Variants in USP15 observed in about 807,000 individuals in gnomAD.
USP15 encodes ubiquitin carboxyl-terminal hydrolase 15.
A neutral mutation model predicts 127.1 loss-of-function variants in USP15; 18 were observed. That is an observed-to-expected ratio of 0.14 (90% CI 0.10 to 0.21). The LOEUF (loss-of-function observed/expected upper bound fraction) is 0.21, where lower values mean the gene tolerates loss of function less well. Ranked by LOEUF, USP15 falls within the 10% of genes least tolerant of loss-of-function variation. The probability of loss-of-function intolerance (pLI) is 1.00; values close to 1 mark genes in which losing one functional copy is unlikely to be tolerated. For missense variants in USP15, 805 were observed against 1,159.9 expected (o/e 0.69, Z 4.44); for synonymous variants, 364 against 393.7 (o/e 0.92, Z 0.89).
At chr12:62,307,149 T>C (rs547079593) in intron 3 of USP15, among the ~76,000 whole-genome samples, 1 of 152,216 alleles carries the variant, frequency 6.6e-6, no homozygotes, top group South Asian at 2.1e-4. Flanking sequence ...TCGAATTACC[T>C]CGCAGAACCA....
chr12:62,265,404 C>T (rs749643069), intron 1 of USP15, among the ~76,000 whole-genome samples: 9 of 152,108 alleles, frequency 5.9e-5, no homozygotes, highest in Admixed American at 1.3e-4. Flanking sequence ...TTCTGGGAAT[C>T]GGTGTTATTC....
chr12:62,292,103 C>T (rs1192970031), intron 1 of USP15, among the ~76,000 whole-genome samples: 1 of 147,188 alleles, frequency 6.8e-6, no homozygotes, highest in Non-Finnish European at 1.5e-5. Flanking sequence ...GTCATTGGGC[C>T]ACTGGTAAAA....
intron 3 of USP15, among the ~76,000 whole-genome samples, chr12:62,309,232 C>T (rs932622915): frequency 5.9e-5 from 9 of 151,830 alleles, no homozygotes; most frequent in African/African-American, 1.7e-4. Flanking sequence ...ACCTATATTG[C>T]GAATGAAAAA....
intron 1 of USP15, among the ~76,000 whole-genome samples, chr12:62,264,805 T>C (rs183900247): frequency 6.6e-6 from 1 of 152,334 alleles, no homozygotes; most frequent in Non-Finnish European, 1.5e-5. Context: ...TTTCAAAATA[T>C]TTAGTGTATA....
intron 1 of USP15, chr12:62,277,447 T>C (rs1021456801): frequency 6.6e-6 from 1 of 152,154 alleles, no homozygotes; most frequent in Non-Finnish European, 1.5e-5. Flanking sequence ...GTATTTGTGT[T>C]TCTAAATATA....
At chr12:62,343,971 A>G (rs1042995158) in intron 6 of USP15, among the ~76,000 whole-genome samples, 2 of 152,100 alleles carry the variant, frequency 1.3e-5, no homozygotes, top group Non-Finnish European at 2.9e-5. Flanking sequence ...CCATCCCACA[A>G]CACATGGGAA....
chr12:62,360,671 A>G (rs2066287323), intron 8 of USP15, among the ~76,000 whole-genome samples: 1 of 152,078 alleles, frequency 6.6e-6, no homozygotes, highest in Non-Finnish European at 1.5e-5. Flanking sequence ...TTAAATGAAT[A>G]TACTTTTCAT....
At chr12:62,388,117 A>ATTTTTTTTTTTTTTTTTTTTT (rs58192089) in intron 11 of USP15, among the ~76,000 whole-genome samples, 5 of 106,586 alleles carry the variant, frequency 4.7e-5, no homozygotes, top group Non-Finnish European at 7.2e-5. Context: ...AATGGTGAAG[A>ATTTTTTTTTTTTTTTTTTTTT]TTTTTTTTTT....
chr12:62,300,076 CA>C (rs1447262323), intron 2 of USP15, among the ~76,000 whole-genome samples: 1 of 151,910 alleles, frequency 6.6e-6, no homozygotes, highest in African/African-American at 2.4e-5. Context: ...GTATGATTTG[CA>C]AAAATTTTTT....
intron 20 of USP15, among the ~76,000 whole-genome samples, chr12:62,400,403 A>G (rs1272663015): frequency 1.3e-5 from 2 of 151,870 alleles, no homozygotes; most frequent in Non-Finnish European, 2.9e-5. Context: ...TATAATACCT[A>G]ATACAATGCC....
intron 3 of USP15, 129 bp downstream of exon 3, chr12:62,303,049 T>G (rs2064363177): frequency 9.8e-7 from 1 of 1,024,910 alleles, no homozygotes; most frequent in South Asian, 1.8e-5. Flanking sequence ...AACCGTACAC[T>G]GTGTTACAAT....
At chr12:62,334,514 A>G (rs1456234912) in intron 6 of USP15, among the ~76,000 whole-genome samples, 1 of 152,202 alleles carries the variant, frequency 6.6e-6, no homozygotes, top group African/African-American at 2.4e-5. Flanking sequence ...TATAGGAAGC[A>G]TACAGTAAAT....
At chr12:62,370,002 G>T (rs1031908668) in intron 8 of USP15, among the ~76,000 whole-genome samples, 8 of 152,246 alleles carry the variant, frequency 5.3e-5, no homozygotes, top group Non-Finnish European at 1.2e-4. Context: ...TTGAGACGGA[G>T]TCTCGCTGTA....
intron 11 of USP15, among the ~76,000 whole-genome samples, chr12:62,389,032 G>A (rs1328066758): frequency 1.4e-4 from 21 of 152,030 alleles, no homozygotes; most frequent in African/African-American, 4.8e-4. Context: ...GGCTGAATTC[G>A]GAAGATGGCT....
At chr12:62,367,765 A>C (rs557076049) in intron 8 of USP15, among the ~76,000 whole-genome samples, 1 of 152,072 alleles carries the variant, frequency 6.6e-6, no homozygotes, top group Non-Finnish European at 1.5e-5. Flanking sequence ...ACTAGCTCCT[A>C]GATTTCATTG....
chr12:62,262,242 G>GA (rs951160450), intron 1 of USP15, among the ~76,000 whole-genome samples: 18 of 147,636 alleles, frequency 1.2e-4, no homozygotes, highest in African/African-American at 2.5e-4. Context: ...CTCAAAAAAA[G>GA]AAAAAAAAAA....
intron 1 of USP15, among the ~76,000 whole-genome samples, chr12:62,267,911 A>G (rs1486446078): frequency 6.6e-6 from 1 of 152,128 alleles, no homozygotes; most frequent in East Asian, 1.9e-4. Flanking sequence ...TTTACAGCTT[A>G]ACAAAGTTTA....
intron 19 of USP15, chr12:62,393,462 C>A (rs1001626399): frequency 3.4e-6 from 1 of 298,150 alleles, no homozygotes; most frequent in South Asian, 8.8e-5. Context: ...TGTTATATTA[C>A]CTATGGGTTA....
At chr12:62,262,598 G>T (rs1452525529) in intron 1 of USP15, among the ~76,000 whole-genome samples, 1 of 149,694 alleles carries the variant, frequency 6.7e-6, no homozygotes, top group Non-Finnish European at 1.5e-5. Flanking sequence ...ATGAAGTTTG[G>T]TATTTTCAAA....
Sources: allele counts gnomAD v4.1 joint callset (sites outside exome capture counted in the v4.1 genomes callset), GRCh38; gene constraint gnomAD v4.1.1; transcripts MANE v1.5; gene names NCBI Gene and HGNC (gene_info 2026-07-23, HGNC 2026-07-21).